The following ATP9A variants were observed in gnomAD, a reference collection of about 807,000 sequenced individuals.
The protein encoded by ATP9A is ATPase phospholipid transporting 9A.
A neutral mutation model predicts 144.1 loss-of-function variants in ATP9A; 52 were observed. The observed-to-expected ratio is 0.36, with a 90% CI of 0.29 to 0.45. ATP9A has a LOEUF of 0.45. Among genes scored for constraint, ATP9A ranks in the 20% least tolerant of loss-of-function variants. The pLI, the probability that ATP9A is intolerant of heterozygous loss-of-function variation, is 1.00. For missense variants in ATP9A, 947 were observed against 1,392.7 expected, an observed-to-expected ratio of 0.68 and a Z score of 5.09; for synonymous variants, 582 against 557.4, an observed-to-expected ratio of 1.04 and a Z score of -0.62.
chr20:51,608,922 C>CGTGTGTGTGTGTGTGTGT (rs1214031645), intron 24 of ATP9A, among the ~76,000 whole-genome samples: 2,916 of 142,856 alleles, frequency 0.02, 63 homozygotes, highest in African/African-American at 0.024. Context: ...GGAAATAAGA[C>CGTGTGTGTGTGTGTGTGT]GTGTGTGTGT....
At chr20:51,760,595 T>G (rs2077875353) in intron 1 of ATP9A, among the ~76,000 whole-genome samples, 1 of 151,790 alleles carries the variant, frequency 6.6e-6, no homozygotes, top group African/African-American at 2.4e-5. Context: ...GGCATACTGG[T>G]AGGCATGTGT....
At chr20:51,748,944 T>TAGACAGACAGACAGACAGAC (rs1161622264) in intron 1 of ATP9A, among the ~76,000 whole-genome samples, 37 of 101,022 alleles carry the variant, frequency 3.7e-4, no homozygotes, top group African/African-American at 1.3e-3. Flanking sequence ...GATAGATAGA[T>TAGACAGACAGACAGACAGAC]AGATAGACAG....
In ATP9A at chr20:51,763,339, G is replaced by T. The variant is rs1171576127; in HGVS notation, c.68+4963C>A. ...CTTTTTTTTTTTTTTTTGAGATGGA[G>T]TCTCGCTGTGTCGCCCAGGCTACAG... On this transcript the variant is annotated intron_variant, in intron 1 of 27. Coordinates refer to ENST00000338821, the MANE Select transcript of ATP9A (RefSeq NM_006045.3). 6.1e-5 allele frequency among the ~76,000 whole-genome samples: 9 copies of T among 147,146 alleles called. No homozygotes were observed. In the South Asian group the frequency reaches 6.5e-4, roughly 11 times the overall value.
At chr20:51,724,969 C>T (rs73269773) in intron 3 of ATP9A, among the ~76,000 whole-genome samples, 10,269 of 152,174 alleles carry the variant, frequency 0.067, 789 homozygotes, top group African/African-American at 0.19. Context: ...GCAGATGTTT[C>T]CAGATTGGGG....
At chr20:51,753,895 A>G (rs1422800469) in intron 1 of ATP9A, among the ~76,000 whole-genome samples, 2 of 146,712 alleles carry the variant, frequency 1.4e-5, no homozygotes, top group Non-Finnish European at 3.0e-5. Context: ...CTGGACTCGA[A>G]CTCCTGACCT....
chr20:51,697,207 C>A (rs750169262), intron 5 of ATP9A, among the ~76,000 whole-genome samples: 1 of 152,090 alleles, frequency 6.6e-6, no homozygotes, highest in African/African-American at 2.4e-5. Flanking sequence ...TTCTGGCTAA[C>A]CAACGCATAT....
At chr20:51,684,465 G>A (rs796763060) in intron 9 of ATP9A, among the ~76,000 whole-genome samples, 8 of 152,020 alleles carry the variant, frequency 5.3e-5, no homozygotes, top group African/African-American at 1.9e-4. Context: ...GGGAGGCTGA[G>A]GCGGGTGGAT....
intron 9 of ATP9A, among the ~76,000 whole-genome samples, chr20:51,682,263 T>C (rs1027762394): frequency 1.3e-5 from 2 of 151,942 alleles, no homozygotes; most frequent in Non-Finnish European, 2.9e-5. Context: ...AAGAAAAAAA[T>C]ATAAATCCAC....
intron 1 of ATP9A, among the ~76,000 whole-genome samples, chr20:51,750,303 G>A (rs961545822): frequency 2.0e-5 from 3 of 152,134 alleles, no homozygotes; most frequent in South Asian, 2.1e-4. Context: ...GCACACAAAC[G>A]TGCTCCGTCA....
At chr20:51,638,119 ATATATC>A (rs2077302786) in intron 15 of ATP9A, among the ~76,000 whole-genome samples, 1 of 101,414 alleles carries the variant, frequency 9.9e-6, no homozygotes, top group Non-Finnish European at 1.9e-5. Flanking sequence ...ATATATATAT[ATATATC>A]TCATAGTTCC....
At chr20:51,617,408 G>C in intron 22 of ATP9A, 82 bp downstream of exon 22, 3 of 1,389,500 alleles carry the variant, frequency 2.2e-6, no homozygotes, top group Non-Finnish European at 3.0e-6. Flanking sequence ...GGAATTTCCA[G>C]AAGGCTTAAA....
chr20:51,756,232 C>T (rs118073080), intron 1 of ATP9A, among the ~76,000 whole-genome samples: 3,655 of 151,998 alleles, frequency 0.024, 63 homozygotes, highest in Non-Finnish European at 0.038. Flanking sequence ...CAGACAGCCA[C>T]CTTCCCCCTG....
intron 18 of ATP9A, among the ~76,000 whole-genome samples, chr20:51,624,614 C>T (rs989272980): frequency 4.6e-5 from 7 of 152,168 alleles, no homozygotes; most frequent in Non-Finnish European, 2.9e-5. Context: ...CAGCCATGCA[C>T]GCTGGACACT....
At chr20:51,764,692 A>G (rs1726705870) in intron 1 of ATP9A, among the ~76,000 whole-genome samples, 1 of 152,080 alleles carries the variant, frequency 6.6e-6, no homozygotes, top group Non-Finnish European at 1.5e-5. Context: ...CATTAATATC[A>G]GTGAATCTTT....
chr20:51,641,098 T>C (rs374822012), intron 14 of ATP9A, among the ~76,000 whole-genome samples: 1 of 151,980 alleles, frequency 6.6e-6, no homozygotes, highest in Non-Finnish European at 1.5e-5. Flanking sequence ...GTGGCTCATG[T>C]CTGTAATCCC....
rs141031844 is a variant in ATP9A at position 51,759,466 on chromosome 20, A to C, written c.68+8836T>G. Among the ~76,000 whole-genome samples the C allele has an allele frequency of 8.7e-3, 1,324 of 152,330 alleles. 12 individuals carry two copies. Among genetic ancestry groups the C allele is most frequent in the African/African-American group, 0.03 (1,261 of 41,584 alleles). On this transcript the variant is annotated intron_variant, in intron 1 of 27. Coordinates refer to ENST00000338821, the MANE Select transcript of ATP9A (RefSeq NM_006045.3). ...GGTGGGTGGATCACCTGAGGTCAGG[A>C]GTTCGAAACCAGCATGGCCAACAGG...
chr20:51,670,088 A>C lies in ATP9A; in HGVS notation c.1202T>G (p.Met401Arg). The change falls in exon 13 of 28, where the codon ATG becomes AGG. Residue 401 changes from methionine to arginine, a missense_variant. By Grantham distance (91) the Met-to-Arg change is moderately conservative. Coordinates refer to ENST00000338821, the MANE Select transcript of ATP9A (RefSeq NM_006045.3). ...TCCGAGATGGAGCCGTTTGAAAATC[A>C]TCTCGTTCTGGGTAAGAGTGCCTAA... Reference protein sequence around the residue: ...DKTGTLTQNEMIFKRLHLGTV... With the variant: ...DKTGTLTQNERIFKRLHLGTV... 1 of 1,614,166 alleles carries C rather than the reference A, an allele frequency of 6.2e-7. No individual in the cohort carries two copies. The highest frequency in any genetic ancestry group is 8.5e-7 in the Non-Finnish European group (1 of 1,180,004).
intron 24 of ATP9A, among the ~76,000 whole-genome samples, chr20:51,608,922 CGTGTGTGTGTGT>C (rs1214031645): frequency 2.1e-5 from 3 of 142,794 alleles, no homozygotes; most frequent in African/African-American, 7.9e-5. Context: ...GGAAATAAGA[CGTGTGTGTGTGT>C]GTGTGTGTGT....
intron 1 of ATP9A, among the ~76,000 whole-genome samples, chr20:51,747,091 G>A (rs2077811793): frequency 8.8e-6 from 1 of 113,560 alleles, no homozygotes; most frequent in Non-Finnish European, 1.8e-5. Flanking sequence ...TAAGGTCTGG[G>A]TTTTTCGTTT....
Sources: allele counts gnomAD v4.1 joint callset (sites outside exome capture counted in the v4.1 genomes callset), GRCh38; gene constraint gnomAD v4.1.1; transcripts MANE v1.5; gene names NCBI Gene and HGNC (gene_info 2026-07-23, HGNC 2026-07-21).